UTRN: variants seen among roughly 807,000 people sequenced by gnomAD.
UTRN encodes utrophin.
Under a neutral mutation model 463.9 loss-of-function variants are expected in UTRN, and 283 were observed. The observed-to-expected ratio is 0.61, with a 90% confidence interval of 0.55 to 0.67. The LOEUF (loss-of-function observed/expected upper bound fraction) is 0.67. Among genes scored for constraint, UTRN ranks in the 30% least tolerant of loss-of-function variants. The pLI is 0.00. For synonymous variants in UTRN, 1,442 were observed against 1,431.5 expected (o/e 1.01, Z -0.17); for missense variants, 3,922 against 4,084.3 (o/e 0.96, Z 1.08).
chr6:144,519,756 G>A (rs1022654310), intron 39 of UTRN, among the ~76,000 whole-genome samples: 2 of 152,156 alleles, frequency 1.3e-5, no homozygotes, highest in African/African-American at 4.8e-5. Flanking sequence ...AAGAAAAAGA[G>A]GCAGTCTTAA....
chr6:144,840,176 C>G (rs936709001), intron 72 of UTRN, among the ~76,000 whole-genome samples: 1 of 151,538 alleles, frequency 6.6e-6, no homozygotes, highest in Non-Finnish European at 1.5e-5. Context: ...GACGGAGGCT[C>G]CATCTCAAAA....
intron 73 of UTRN, among the ~76,000 whole-genome samples, chr6:144,845,271 C>A (rs1179557348): frequency 6.6e-6 from 1 of 152,192 alleles, no homozygotes; most frequent in African/African-American, 2.4e-5. Flanking sequence ...ACTGCAGTAA[C>A]TATTTTTATT....
chr6:144,771,209 G>C (rs914405200), intron 58 of UTRN, among the ~76,000 whole-genome samples: 5 of 152,080 alleles, frequency 3.3e-5, no homozygotes, highest in African/African-American at 9.7e-5. Flanking sequence ...TTTCAGTTCT[G>C]TTTGAAATAG....
chr6:144,550,831 G>T (rs1798841239), intron 47 of UTRN, 134 bp from the exon 48 acceptor site: 1 of 587,630 alleles, frequency 1.7e-6, no homozygotes, highest in Non-Finnish European at 2.7e-6. Context: ...CTCATTTTCT[G>T]CCACGTTGCT....
intron 53 of UTRN, among the ~76,000 whole-genome samples, chr6:144,715,771 CTTT>C (rs1177928009): frequency 8.0e-6 from 1 of 124,688 alleles, no homozygotes. Flanking sequence ...TTTTCTATGT[CTTT>C]TTTTTTTTTT....
intron 7 of UTRN, among the ~76,000 whole-genome samples, chr6:144,427,966 G>A (rs1785440399): frequency 6.6e-6 from 1 of 152,146 alleles, no homozygotes; most frequent in African/African-American, 2.4e-5. Context: ...AGCAGAGGAG[G>A]CACTTGGCAT....
intron 66 of UTRN, among the ~76,000 whole-genome samples, chr6:144,822,085 A>G (rs1779653729): frequency 6.6e-6 from 1 of 152,118 alleles, no homozygotes; most frequent in African/African-American, 2.4e-5. Flanking sequence ...TTCATAGTTC[A>G]TTTTATTTTG....
rs558556609 is a variant in UTRN, at chr6:144,473,686, A to G, written c.3067-34A>G. ...AGATGTAGTAGGCTGAACGTCACGA[A>G]GTAATATCCCCCTCTGTTATCATGT... On this transcript the variant is annotated intron_variant, in intron 23 of 74. Transcript: ENST00000367545. The G allele has an allele frequency of 6.3e-6, 10 of 1,579,788 alleles. No homozygotes were observed. In the South Asian group the frequency reaches 6.7e-5, roughly 11 times the overall value.
At chr6:144,696,477 G>A (rs1330269151) in intron 52 of UTRN, among the ~76,000 whole-genome samples, 1 of 152,078 alleles carries the variant, frequency 6.6e-6, no homozygotes, top group Non-Finnish European at 1.5e-5. Flanking sequence ...TTGGAATCAC[G>A]GCTTTGGTGT....
At chr6:144,836,574 C>G (rs1165263931) in intron 71 of UTRN, 33 bp downstream of exon 71, 1 of 1,609,446 alleles carries the variant, frequency 6.2e-7, no homozygotes, top group Middle Eastern at 2.1e-4. Flanking sequence ...TCACACCTCC[C>G]CAGGCCATCT....
chr6:144,555,183 A>G (rs1799268387), intron 49 of UTRN, among the ~76,000 whole-genome samples: 2 of 152,198 alleles, frequency 1.3e-5, no homozygotes, highest in South Asian at 4.1e-4. Flanking sequence ...TCAAGATTCC[A>G]GGAACCCTCT....
intron 54 of UTRN, among the ~76,000 whole-genome samples, chr6:144,744,604 T>TACACACACAC (rs554895139): frequency 2.9e-5 from 3 of 103,214 alleles, no homozygotes; most frequent in South Asian, 6.5e-4. Flanking sequence ...TGACAGGGCA[T>TACACACACAC]ACACACACAC....
intron 58 of UTRN, among the ~76,000 whole-genome samples, chr6:144,766,692 A>C (rs573486528): frequency 1.3e-5 from 2 of 152,028 alleles, no homozygotes; most frequent in African/African-American, 4.8e-5. Context: ...ATGGGACACG[A>C]GGAAGTAGAT....
intron 51 of UTRN, among the ~76,000 whole-genome samples, chr6:144,671,046 T>A (rs568134243): frequency 1.3e-5 from 2 of 152,180 alleles, no homozygotes; most frequent in Non-Finnish European, 2.9e-5. Flanking sequence ...AGCCTTGTAG[T>A]ATAGTTTGAA....
chr6:144,768,963 T>G (rs12662640), intron 58 of UTRN, among the ~76,000 whole-genome samples: 1,764 of 149,968 alleles, frequency 0.012, 40 homozygotes, highest in East Asian at 0.045. Context: ...GTTTTGTTTT[T>G]TTTTTTTTAA....
chr6:144,533,213 C>T lies in UTRN; in HGVS notation c.6186C>T (p.Asn2062=), dbSNP rs770078665. The T allele has an allele frequency of 9.3e-6, 15 of 1,613,980 alleles. No homozygotes were observed. The highest frequency in any genetic ancestry group is 1.3e-5 in the Non-Finnish European group (15 of 1,179,990). The change falls in exon 43 of 75, where the codon AAC becomes AAT. Residue 2062 remains asparagine (N), a synonymous_variant. Coordinates refer to ENST00000367545, the MANE Select transcript of UTRN (RefSeq NM_007124.3). ...TGAAAGAAAAACTGGCAGGTTTAAACCAACGCTGGGATGCAATTGTTGCAG... is the reference window on the plus strand; with the variant it reads ...TGAAAGAAAAACTGGCAGGTTTAAATCAACGCTGGGATGCAATTGTTGCAG... ...SFLKEKLAGL[N]QRWDAIVAEV...
intron 9 of UTRN, among the ~76,000 whole-genome samples, chr6:144,430,941 T>A (rs1206556947): frequency 1.3e-5 from 2 of 152,130 alleles, no homozygotes; most frequent in East Asian, 3.8e-4. Context: ...AGAAAAAAAT[T>A]TACTGAAAAG....
intron 65 of UTRN, among the ~76,000 whole-genome samples, chr6:144,812,330 C>G (rs1156740277): frequency 6.6e-6 from 1 of 152,036 alleles, no homozygotes; most frequent in Non-Finnish European, 1.5e-5. Context: ...GCCGTTTATT[C>G]AAGGATCACT....
chr6:144,819,212 T>G (rs1333441592), intron 65 of UTRN, among the ~76,000 whole-genome samples: 1 of 152,196 alleles, frequency 6.6e-6, no homozygotes, highest in African/African-American at 2.4e-5. Flanking sequence ...TTTTAAATGA[T>G]AAGTAGCTGC....
Sources: allele counts gnomAD v4.1 joint callset (sites outside exome capture counted in the v4.1 genomes callset), GRCh38; gene constraint gnomAD v4.1.1; transcripts MANE v1.5; gene names NCBI Gene and HGNC (gene_info 2026-07-23, HGNC 2026-07-21).